The following DPP10 variants were observed in gnomAD, a reference collection of about 807,000 sequenced individuals.
DPP10 encodes the protein inactive dipeptidyl peptidase 10.
In DPP10, 33 loss-of-function variants were observed where a neutral mutation model predicts 120.9. The ratio of observed to expected loss-of-function variants is 0.27; its 90% CI spans 0.21 to 0.37. DPP10 has a LOEUF of 0.37. Ranked by LOEUF, DPP10 falls within the 10% of genes least tolerant of loss-of-function variation. DPP10 has a pLI of 1.00. For missense variants in DPP10, 816 were observed against 942.8 expected (o/e 0.87, Z 1.76); for synonymous variants, 337 against 326.1 (o/e 1.03, Z -0.36).
At chr2:115,764,043 C>G (rs1385692166) in intron 12 of DPP10, among the ~76,000 whole-genome samples, 1 of 152,158 alleles carries the variant, frequency 6.6e-6, no homozygotes, top group Non-Finnish European at 1.5e-5. Context: ...CTTCCTCTAA[C>G]TAGCCTAACC....
At chr2:114,808,504 A>C (rs1684921612) in intron 1 of DPP10, among the ~76,000 whole-genome samples, 1 of 152,028 alleles carries the variant, frequency 6.6e-6, no homozygotes, top group African/African-American at 2.4e-5. Flanking sequence ...AAAAGTGGGA[A>C]CACTCTTGCC....
At chr2:115,151,362 T>A (rs1450910381) in intron 1 of DPP10, among the ~76,000 whole-genome samples, 1 of 152,076 alleles carries the variant, frequency 6.6e-6, no homozygotes, top group East Asian at 1.9e-4. Flanking sequence ...CACTATGAGA[T>A]TTTTCAGTAA....
At chr2:114,746,213 G>A (rs1218835568) in intron 1 of DPP10, among the ~76,000 whole-genome samples, 1 of 151,914 alleles carries the variant, frequency 6.6e-6, no homozygotes, top group East Asian at 1.9e-4. Flanking sequence ...ATTCCCTCTT[G>A]TTTCAATCCT....
chr2:115,306,159 T>C (rs886884965), intron 1 of DPP10, among the ~76,000 whole-genome samples: 2 of 151,924 alleles, frequency 1.3e-5, no homozygotes, highest in African/African-American at 4.8e-5. Context: ...AGTAGCGGAG[T>C]TGGATTCAAA....
intron 21 of DPP10, among the ~76,000 whole-genome samples, chr2:115,821,002 C>T (rs1383506174): frequency 1.3e-5 from 2 of 152,164 alleles, no homozygotes; most frequent in Admixed American, 1.3e-4. Context: ...ATTGCTAGAT[C>T]AAATGGTAGT....
At chr2:114,846,483 G>A (rs1688556160) in intron 1 of DPP10, among the ~76,000 whole-genome samples, 1 of 151,976 alleles carries the variant, frequency 6.6e-6, no homozygotes, top group South Asian at 2.1e-4. Context: ...AACTTAATTG[G>A]GCTTCCATCT....
intron 1 of DPP10, among the ~76,000 whole-genome samples, chr2:114,539,002 A>C (rs1010644105): frequency 6.6e-6 from 1 of 152,122 alleles, no homozygotes; most frequent in African/African-American, 2.4e-5. Flanking sequence ...CCTTCAAAGG[A>C]GATGAGGACA....
intron 1 of DPP10, among the ~76,000 whole-genome samples, chr2:115,304,393 G>A (rs758936105): frequency 6.6e-6 from 1 of 151,910 alleles, no homozygotes; most frequent in Non-Finnish European, 1.5e-5. Flanking sequence ...CACACTCTAG[G>A]GCTAAAAACC....
At chr2:115,245,875 G>T (rs140596294) in intron 1 of DPP10, among the ~76,000 whole-genome samples, 64 of 152,142 alleles carry the variant, frequency 4.2e-4, no homozygotes, top group Admixed American at 7.2e-4. Context: ...TTAAAGTTTG[G>T]CATTAATTAA....
intron 13 of DPP10, among the ~76,000 whole-genome samples, chr2:115,775,152 A>G (rs1026294607): frequency 2.0e-5 from 3 of 152,104 alleles, no homozygotes; most frequent in African/African-American, 7.2e-5. Context: ...ATATGCATAT[A>G]TGAAATTATG....
At chr2:115,485,110 T>C (rs2075688272) in intron 3 of DPP10, among the ~76,000 whole-genome samples, 1 of 151,992 alleles carries the variant, frequency 6.6e-6, no homozygotes. Flanking sequence ...GTATAATAGC[T>C]GTTTACAGTT....
At chr2:115,153,303 G>A (rs2051688315) in intron 1 of DPP10, among the ~76,000 whole-genome samples, 1 of 152,102 alleles carries the variant, frequency 6.6e-6, no homozygotes, top group Admixed American at 6.5e-5. Context: ...TGGGAAAGGG[G>A]CTCCCCACAG....
chr2:115,508,730 C>T (rs2148826154), intron 4 of DPP10, among the ~76,000 whole-genome samples: 1 of 152,196 alleles, frequency 6.6e-6, no homozygotes, highest in South Asian at 2.1e-4. Flanking sequence ...TGGCGAAACC[C>T]CATCTCTACT....
intron 8 of DPP10, among the ~76,000 whole-genome samples, chr2:115,729,737 C>T (rs1192854742): frequency 6.6e-6 from 1 of 152,136 alleles, no homozygotes; most frequent in East Asian, 1.9e-4. Context: ...ATCCAGGCCC[C>T]TGAACTCCAG....
chr2:114,564,365 T>C (rs1689034071), intron 1 of DPP10, among the ~76,000 whole-genome samples: 2 of 152,096 alleles, frequency 1.3e-5, no homozygotes, highest in Admixed American at 1.3e-4. Flanking sequence ...ATTTAGCTTA[T>C]GAAGGAAATA....
chr2:114,815,546 A>T (rs1323051769), intron 1 of DPP10, among the ~76,000 whole-genome samples: 1 of 152,196 alleles, frequency 6.6e-6, no homozygotes, highest in Non-Finnish European at 1.5e-5. Flanking sequence ...TTTTCAAAAA[A>T]GTTAGTATCT....
At chr2:115,241,420 A>G (rs1024886813) in intron 1 of DPP10, among the ~76,000 whole-genome samples, 1 of 152,226 alleles carries the variant, frequency 6.6e-6, no homozygotes, top group Non-Finnish European at 1.5e-5. Flanking sequence ...TTTCTCTGCA[A>G]AAGCATAATC....
intron 1 of DPP10, among the ~76,000 whole-genome samples, chr2:114,646,287 T>A (rs1310286351): frequency 2.0e-5 from 3 of 152,124 alleles, no homozygotes; most frequent in African/African-American, 7.2e-5. Flanking sequence ...AACCTGTGCA[T>A]CATCCCAGGT....
At chr2:115,467,875 G>GC (rs1430363751) in intron 3 of DPP10, among the ~76,000 whole-genome samples, 1 of 152,104 alleles carries the variant, frequency 6.6e-6, no homozygotes, top group Non-Finnish European at 1.5e-5. Flanking sequence ...CAGAATCAGG[G>GC]CTTTATTAGA....
Sources: allele counts gnomAD v4.1 joint callset (sites outside exome capture counted in the v4.1 genomes callset), GRCh38; gene constraint gnomAD v4.1.1; transcripts MANE v1.5; gene names NCBI Gene and HGNC (gene_info 2026-07-23, HGNC 2026-07-21).